GSE1: variants seen among roughly 807,000 people sequenced by gnomAD.
GSE1 encodes genetic suppressor element 1.
In GSE1, 32 loss-of-function variants were observed where a neutral mutation model predicts 112.6. That is an observed-to-expected ratio of 0.28 (90% CI 0.21 to 0.38). GSE1 has a LOEUF of 0.38. Among genes scored for constraint, GSE1 ranks in the 10% least tolerant of loss-of-function variants. The pLI, the probability that GSE1 is intolerant of heterozygous loss-of-function variation, is 1.00. For synonymous variants in GSE1, 1,115 were observed against 735.6 expected (o/e 1.52, Z -8.35); for missense variants, 2,348 against 1,699.2 (o/e 1.38, Z -6.71).
At chr16:85,524,730 G>T (rs1356094745) in intron 2 of GSE1, among the ~76,000 whole-genome samples, 1 of 152,158 alleles carries the variant, frequency 6.6e-6, no homozygotes, top group Non-Finnish European at 1.5e-5. Context: ...GGGCACCGGG[G>T]CCAGTCAACT....
At chr16:85,529,647 C>T (rs746737673) in intron 2 of GSE1, among the ~76,000 whole-genome samples, 4 of 152,168 alleles carry the variant, frequency 2.6e-5, no homozygotes, top group Non-Finnish European at 4.4e-5. Flanking sequence ...CCTCCCAGCA[C>T]GTGAGTTTCT....
At chr16:85,514,215 C>T (rs926814138) in intron 2 of GSE1, among the ~76,000 whole-genome samples, 19 of 151,308 alleles carry the variant, frequency 1.3e-4, no homozygotes, top group African/African-American at 4.4e-4. Context: ...TTCTGTCTCC[C>T]CTCTCCCCTC....
At chr16:85,615,438 C>G (rs987801226) in intron 1 of GSE1, among the ~76,000 whole-genome samples, 4 of 152,340 alleles carry the variant, frequency 2.6e-5, no homozygotes, top group Middle Eastern at 3.4e-3. Flanking sequence ...GCTTTTGTCA[C>G]TCTGGCAGCA....
In GSE1 at chr16:85,200,120, G is replaced by A. The variant is rs977094197; in HGVS notation, c.2283+28313G>A. On this transcript the variant is annotated intron_variant, in intron 1 of 2. Coordinates refer to the GSE1 transcript ENST00000637419. ...GATAATTCTGCCTTTTCCTTCACCCGCTTGCTGACACCTTGTCACTCTTTC... is the reference window on the plus strand; with the variant it reads ...GATAATTCTGCCTTTTCCTTCACCCACTTGCTGACACCTTGTCACTCTTTC... Among the ~76,000 whole-genome samples the A allele has an allele frequency of 5.3e-5, 8 of 152,080 alleles. No homozygotes were observed. The South Asian group carries it at 6.2e-4, about 12-fold the overall frequency.
At chr16:85,214,266 A>G (rs2075273908) in intron 1 of GSE1, among the ~76,000 whole-genome samples, 1 of 151,966 alleles carries the variant, frequency 6.6e-6, no homozygotes, top group Admixed American at 6.5e-5. Flanking sequence ...GATTCTTGTC[A>G]CCCAGAACCT....
intron 2 of GSE1, among the ~76,000 whole-genome samples, chr16:85,478,867 CTTT>C: frequency 2.6e-5 from 1 of 38,730 alleles, no homozygotes; most frequent in Non-Finnish European, 4.2e-5. Context: ...TTCTTTCTTT[CTTT>C]CTTTCTTTCT....
intron 2 of GSE1, among the ~76,000 whole-genome samples, chr16:85,534,689 T>C (rs1567567682): frequency 6.6e-6 from 1 of 152,182 alleles, no homozygotes; most frequent in Non-Finnish European, 1.5e-5. Flanking sequence ...AGCTCGGGTG[T>C]GCAATGTCTG....
chr16:85,567,503 CA>C lies in GSE1; in HGVS notation c.37+11142del, dbSNP rs372504269. On this transcript the variant is annotated intron_variant, in intron 1 of 2. Coordinates refer to the GSE1 transcript ENST00000635906. Reference sequence around the variant, plus strand: ...TTCGCCAGACCGCAGCCGGGGCTCTCAACGCTGGGACGCCTCCTCGTGGCCC... The same window carrying C: ...TTCGCCAGACCGCAGCCGGGGCTCTCACGCTGGGACGCCTCCTCGTGGCCC... 9.6e-3 allele frequency among the ~76,000 whole-genome samples: 1,466 copies of C among 152,296 alleles called. 23 individuals carry two copies. The highest frequency in any genetic ancestry group is 0.033 in the African/African-American group (1,379 of 41,564).
rs867974151 is a variant in GSE1 at position 85,393,919 on chromosome 16, A to T, written c.2464+36276A>T. On this transcript the variant is annotated intron_variant, in intron 2 of 2. Transcript: ENST00000637419. ...CGCCAGCTTGCGCCCGGCAGTCCTG[A>T]TGCAGGCCCACTGGGGCGGGGCTGG... Among the ~76,000 whole-genome samples, 50 of 152,050 alleles carry T rather than the reference A, an allele frequency of 3.3e-4. 1 individual carries two copies. The highest frequency in any genetic ancestry group is 8.3e-4 in the South Asian group (4 of 4,814).
chr16:85,215,755 G>C (rs931215524), intron 1 of GSE1, among the ~76,000 whole-genome samples: 1 of 152,042 alleles, frequency 6.6e-6, no homozygotes, highest in East Asian at 1.9e-4. Flanking sequence ...CACACATTCT[G>C]GGGGGGTGTG....
At chr16:85,250,785 CA>C (rs910904921) in intron 1 of GSE1, among the ~76,000 whole-genome samples, 21 of 151,892 alleles carry the variant, frequency 1.4e-4, no homozygotes, top group African/African-American at 4.4e-4. Flanking sequence ...CTATTTCCAC[CA>C]CCCCCAAAAG....
At chr16:85,504,420 C>G (rs1597985435) in intron 2 of GSE1, among the ~76,000 whole-genome samples, 1 of 152,318 alleles carries the variant, frequency 6.6e-6, no homozygotes, top group East Asian at 1.9e-4. Context: ...GTGAGGACAG[C>G]TGCAGCCCGC....
chr16:85,657,767 T>C (rs2052092874), intron 8 of GSE1, among the ~76,000 whole-genome samples, 163 bp downstream of exon 8: 1 of 152,192 alleles, frequency 6.6e-6, no homozygotes, highest in South Asian at 2.1e-4. Context: ...GTCTTGCCTA[T>C]GGGGAAGCTG....
intron 1 of GSE1, among the ~76,000 whole-genome samples, chr16:85,306,034 T>C (rs1028371099): frequency 3.9e-5 from 6 of 152,066 alleles, no homozygotes; most frequent in Non-Finnish European, 7.4e-5. Flanking sequence ...GAGGTTGCAG[T>C]GAGCCTAGAT....
intron 2 of GSE1, among the ~76,000 whole-genome samples, chr16:85,420,125 G>GC (rs1316706094): frequency 2.1e-4 from 32 of 152,048 alleles, no homozygotes; most frequent in Admixed American, 1.9e-3. Context: ...GGTGGCTCAT[G>GC]CCTATAATCC....
intron 2 of GSE1, among the ~76,000 whole-genome samples, chr16:85,647,725 T>C (rs1378096701): frequency 2.6e-5 from 4 of 152,202 alleles, no homozygotes; most frequent in African/African-American, 9.6e-5. Context: ...TAGCTGGGAC[T>C]ACAGGCGCGC....
chr16:85,454,932 C>T (rs2049784757), intron 2 of GSE1, among the ~76,000 whole-genome samples: 1 of 152,174 alleles, frequency 6.6e-6, no homozygotes, highest in Non-Finnish European at 1.5e-5. Flanking sequence ...GGTCGCCTGC[C>T]CAGGTGCGGA....
At chr16:85,639,533 C>A (rs1192576140) in intron 2 of GSE1, among the ~76,000 whole-genome samples, 1 of 152,060 alleles carries the variant, frequency 6.6e-6, no homozygotes. Flanking sequence ...TGTCGGGATC[C>A]CCCCATCATC....
intron 1 of GSE1, 134 bp downstream of exon 1, chr16:85,613,532 G>C (rs2048141381): frequency 1.2e-6 from 1 of 838,776 alleles, no homozygotes; most frequent in Non-Finnish European, 1.8e-6. Context: ...TGTTAGCGGC[G>C]ATAAGAGCCG....
Sources: allele counts gnomAD v4.1 joint callset (sites outside exome capture counted in the v4.1 genomes callset), GRCh38; gene constraint gnomAD v4.1.1; transcripts MANE v1.5; gene names NCBI Gene and HGNC (gene_info 2026-07-23, HGNC 2026-07-21).